PDE3B: variants seen among roughly 807,000 people sequenced by gnomAD.
PDE3B encodes phosphodiesterase 3B.
PDE3B carries 66 observed loss-of-function variants against 116.8 expected under a neutral mutation model. The ratio of observed to expected loss-of-function variants is 0.56; its 90% CI spans 0.46 to 0.69. The LOEUF is 0.69. PDE3B is among the 30% of genes least tolerant of loss of function. The pLI is 0.00. For synonymous variants in PDE3B, 595 were observed against 533.6 expected, an observed-to-expected ratio of 1.12 and a Z score of -1.59; for missense variants, 1,384 against 1,368.1, an observed-to-expected ratio of 1.01 and a Z score of -0.18.
intron 1 of PDE3B, among the ~76,000 whole-genome samples, chr11:14,754,196 T>C (rs1003403933): frequency 4.6e-5 from 7 of 152,240 alleles, no homozygotes; most frequent in Middle Eastern, 3.4e-3. Context: ...CTGAGTTACA[T>C]GTATATTTAT....
At position 14,696,488 on chromosome 11, in the gene PDE3B, A is replaced by C. The variant is rs1855211939; in HGVS notation, c.978+51435A>C. 2.6e-5 allele frequency among the ~76,000 whole-genome samples: 4 copies of C among 152,128 alleles called. No individual in the cohort carries two copies. In the South Asian group the frequency reaches 8.3e-4, roughly 32 times the overall value. On this transcript the variant is annotated intron_variant, in intron 1 of 15. Coordinates refer to ENST00000282096, the MANE Select transcript of PDE3B (RefSeq NM_000922.4). ...GAGTGAAGTCTTTCGCCATTCTGGG[A>C]GGTGTATATTTGTGTATCATTGTCA... is the stretch of plus-strand genomic sequence containing the variant.
intron 5 of PDE3B, among the ~76,000 whole-genome samples, chr11:14,808,847 G>A (rs1315606538): frequency 6.6e-6 from 1 of 152,084 alleles, no homozygotes; most frequent in Non-Finnish European, 1.5e-5. Context: ...ATAAAATATT[G>A]TTGAAATTAA....
intron 7 of PDE3B, among the ~76,000 whole-genome samples, chr11:14,828,672 G>A (rs371210245): frequency 4.6e-5 from 7 of 152,182 alleles, no homozygotes; most frequent in Admixed American, 2.0e-4. Context: ...AGATGCTGGC[G>A]ATGTTGGGGA....
chr11:14,819,539 G>A (rs1315335161), intron 7 of PDE3B, among the ~76,000 whole-genome samples: 2 of 151,944 alleles, frequency 1.3e-5, no homozygotes, highest in Non-Finnish European at 2.9e-5. Flanking sequence ...ATTTTTTATG[G>A]CATAAAGAGG....
chr11:14,822,979 A>T (rs1859569017), intron 7 of PDE3B, among the ~76,000 whole-genome samples: 1 of 151,414 alleles, frequency 6.6e-6, no homozygotes, highest in Non-Finnish European at 1.5e-5. Context: ...CCCTACAAAA[A>T]TGCAGCCAGC....
At chr11:14,810,040 A>G (rs1859074366) in intron 5 of PDE3B, among the ~76,000 whole-genome samples, 1 of 152,148 alleles carries the variant, frequency 6.6e-6, no homozygotes, top group Non-Finnish European at 1.5e-5. Context: ...AAATCTACAG[A>G]TTGGCTACAA....
chr11:14,850,145 A>T (rs1847711648), intron 12 of PDE3B, among the ~76,000 whole-genome samples: 1 of 152,076 alleles, frequency 6.6e-6, no homozygotes, highest in East Asian at 1.9e-4. Context: ...ACACCATGGA[A>T]TACTATGCAG....
chr11:14,884,245 G>A, the PDE3B span, among the ~76,000 whole-genome samples: 50 of 151,826 alleles, frequency 3.3e-4, no homozygotes, highest in South Asian at 6.9e-3. Context: ...TGTTTATTGC[G>A]GCACTATTCA....
rs558125386 is a variant in PDE3B at position 14,856,715 on chromosome 11, G to A, written c.2521-2328G>A. On this transcript the variant is annotated intron_variant, in intron 12 of 15. Coordinates refer to ENST00000282096, the MANE Select transcript of PDE3B (RefSeq NM_000922.4). ...AAAAAACACAGAAAATTAGCTGGGC[G>A]TGGTGGCGGGCACCCGTAGTCCCAG... Among the ~76,000 whole-genome samples the A allele has an allele frequency of 8.7e-4, 132 of 152,144 alleles. 1 individual carries two copies. Among genetic ancestry groups the A allele is most frequent in the Middle Eastern group, 3.4e-3 (1 of 294 alleles).
At chr11:14,852,060 G>T (rs1448720666) in intron 12 of PDE3B, among the ~76,000 whole-genome samples, 3 of 152,136 alleles carry the variant, frequency 2.0e-5, no homozygotes, top group Admixed American at 2.0e-4. Context: ...GTTTTGTTTT[G>T]CTTTGTTTTG....
At chr11:14,793,491 A>C (rs1858454254) in intron 4 of PDE3B, among the ~76,000 whole-genome samples, 1 of 152,144 alleles carries the variant, frequency 6.6e-6, no homozygotes, top group Admixed American at 6.5e-5. Context: ...ATACTCAAGA[A>C]ATTTTGAATT....
At chr11:14,694,854 G>A (rs1297701131) in intron 1 of PDE3B, among the ~76,000 whole-genome samples, 1 of 152,096 alleles carries the variant, frequency 6.6e-6, no homozygotes, top group African/African-American at 2.4e-5. Context: ...ATTACAGAAT[G>A]AAGCTTCTGT....
Position 14,818,272 on chromosome 11 carries a change from C to A in PDE3B, c.1612C>A (p.Pro538Thr), listed in dbSNP as rs1365457500. 6.2e-7 allele frequency: 1 copy of A among 1,613,302 alleles called. No individual in the cohort carries two copies. The highest frequency in any genetic ancestry group is 8.5e-7 in the Non-Finnish European group (1 of 1,179,452). Residue 538 changes from proline to threonine, a missense_variant, in exon 6 of 16, where the codon CCT becomes ACT. Physicochemically the swap from Pro to Thr is conservative, Grantham distance 38. Around this residue, in one of 2 missense-constraint regions of PDE3B, gnomAD observed 956 missense variants for 806.8 expected, o/e 1.18. Transcript: ENST00000282096. ...SLTNRSPIEF[P>T]DTADFLNKPS... ...AACTAATCGATCACCCATAGAATTT[C>A]CTGATACTGCTGATTTTCTTAATAA...
intron 14 of PDE3B, among the ~76,000 whole-genome samples, chr11:14,866,424 TTA>T (rs1320509714): frequency 6.6e-6 from 1 of 152,200 alleles, no homozygotes; most frequent in Non-Finnish European, 1.5e-5. Flanking sequence ...ATTATACTAA[TTA>T]TACTGTCTTT....
chr11:14,703,158 C>T lies in PDE3B; in HGVS notation c.978+58105C>T, dbSNP rs1488277505. On this transcript the variant is annotated intron_variant, in intron 1 of 15. Transcript: ENST00000282096. ...CTCATATTTTTTTGGGGAAATCTTA[C>T]CCCAGTATCCCATGGCAACTGTTAC... Among the ~76,000 whole-genome samples the T allele has an allele frequency of 2.0e-5, 3 of 151,838 alleles. 1 individual carries two copies. The Middle Eastern group carries it at 0.01, about 516-fold the overall frequency.
chr11:14,879,498 G>A, the PDE3B span: 1 of 1,357,982 alleles, frequency 7.4e-7, no homozygotes, highest in South Asian at 1.2e-5. Context: ...TATACCTAAA[G>A]TTATTTCCCT....
chr11:14,662,759 A>G (rs1853974479), intron 1 of PDE3B, among the ~76,000 whole-genome samples: 2 of 152,202 alleles, frequency 1.3e-5, no homozygotes, highest in South Asian at 4.1e-4. Context: ...GTTTAGAGAA[A>G]AGAGAATAAC....
chr11:14,861,367 G>GT lies in PDE3B; in HGVS notation c.2886+2dup, dbSNP rs1311663443. The GT allele has an allele frequency of 1.9e-6, 3 of 1,612,496 alleles. No individual in the cohort carries two copies. Among genetic ancestry groups the GT allele is most frequent in the Non-Finnish European group, 2.5e-6 (3 of 1,179,020 alleles). ...CATTGTCAATGAATTTTATGAGCAGGTAAGTTGAAACCTGAGCTTGGTGGG... is the reference window on the plus strand; with the variant it reads ...CATTGTCAATGAATTTTATGAGCAGGTTAAGTTGAAACCTGAGCTTGGTGGG... On this transcript the variant is annotated splice_donor_variant, in intron 14 of 15. Transcript: ENST00000282096. LOFTEE classifies it high-confidence loss of function.
intron 7 of PDE3B, among the ~76,000 whole-genome samples, chr11:14,828,829 TAA>T (rs994127535): frequency 6.6e-6 from 1 of 152,186 alleles, no homozygotes; most frequent in Non-Finnish European, 1.5e-5. Flanking sequence ...CAAAGGAATA[TAA>T]GTCATTCTCT....
Sources: allele counts gnomAD v4.1 joint callset (sites outside exome capture counted in the v4.1 genomes callset), GRCh38; gene constraint gnomAD v4.1.1; regional missense constraint gnomAD v4.1.1; transcripts MANE v1.5; gene names NCBI Gene and HGNC (gene_info 2026-07-23, HGNC 2026-07-21).